Variants in TF observed in about 807,000 individuals in gnomAD.
The protein encoded by TF is transferrin, also known as serotransferrin.
In TF, 55 loss-of-function variants were observed where a neutral mutation model predicts 82.4. The observed-to-expected ratio is 0.67, with a 90% confidence interval of 0.54 to 0.84. The LOEUF is 0.84. TF is among the 40% of genes least tolerant of loss of function. The probability of loss-of-function intolerance (pLI) is 0.00; values close to 1 mark genes in which losing one functional copy is unlikely to be tolerated. For synonymous variants in TF, 332 were observed against 332.6 expected, an observed-to-expected ratio of 1.00 and a Z score of 0.02; for missense variants, 737 against 868.4, an observed-to-expected ratio of 0.85 and a Z score of 1.90.
At chr3:133,757,207 C>T (rs1391858280) in intron 7 of TF, among the ~76,000 whole-genome samples, 198 bp downstream of exon 7, 1 of 152,214 alleles carries the variant, frequency 6.6e-6, no homozygotes, top group Non-Finnish European at 1.5e-5. Context: ...TACCGTCTGC[C>T]GCCCTTGCCT....
chr3:133,778,347 G>A (rs896786187), intron 16 of TF: 2 of 423,980 alleles, frequency 4.7e-6, no homozygotes, highest in South Asian at 4.2e-5. Flanking sequence ...AAACAAGGTG[G>A]AGGACCCTGT....
the TF span, among the ~76,000 whole-genome samples, chr3:133,669,714 A>G: frequency 6.6e-6 from 1 of 152,228 alleles, no homozygotes; most frequent in Non-Finnish European, 1.5e-5. Flanking sequence ...GAATGGAGCT[A>G]TGAAAGTGAA....
chr3:133,662,129 T>G, the TF span: 2 of 152,110 alleles, frequency 1.3e-5, no homozygotes, highest in Non-Finnish European at 2.9e-5. Flanking sequence ...CCGCTGCGAG[T>G]AGGCCCAGCG....
chr3:133,777,503 G>T (rs2107936238), intron 16 of TF: 1 of 474,424 alleles, frequency 2.1e-6, no homozygotes. Context: ...AAAAGGACTG[G>T]GTTTATGTGT....
the TF span, among the ~76,000 whole-genome samples, chr3:133,732,936 C>A: frequency 6.6e-6 from 1 of 152,156 alleles, no homozygotes; most frequent in Non-Finnish European, 1.5e-5. Context: ...ACGACCAAGC[C>A]ACTGTAGCTT....
chr3:133,709,843 C>T, the TF span, among the ~76,000 whole-genome samples: 2 of 152,342 alleles, frequency 1.3e-5, no homozygotes, highest in Non-Finnish European at 2.9e-5. Flanking sequence ...TCCTCCTTCT[C>T]ATCCTTTTGC....
the TF span, among the ~76,000 whole-genome samples, chr3:133,720,389 G>A: frequency 1.3e-4 from 20 of 152,194 alleles, no homozygotes; most frequent in African/African-American, 2.6e-4. Context: ...TTAATGTGGT[G>A]TATCCCATTT....
the TF span, among the ~76,000 whole-genome samples, chr3:133,728,362 CT>C: frequency 6.6e-6 from 1 of 152,140 alleles, no homozygotes; most frequent in Admixed American, 6.5e-5. Context: ...TCTTTTTATT[CT>C]TTTTTCTCTA....
chr3:133,666,696 A>T, the TF span, among the ~76,000 whole-genome samples: 33 of 152,236 alleles, frequency 2.2e-4, 1 homozygote, highest in African/African-American at 6.0e-4. Flanking sequence ...GCAAAAGACA[A>T]GCTCAGGGAA....
At chr3:133,776,143 G>A (rs1482389489) in intron 15 of TF, among the ~76,000 whole-genome samples, 1 of 152,122 alleles carries the variant, frequency 6.6e-6, no homozygotes, top group Non-Finnish European at 1.5e-5. Context: ...CCCTACTCCT[G>A]TCCTTCCCGA....
At chr3:133,719,968 CTAAA>C in the TF span, among the ~76,000 whole-genome samples, 1 of 152,098 alleles carries the variant, frequency 6.6e-6, no homozygotes, top group African/African-American at 2.4e-5. Flanking sequence ...TGCAACTTTA[CTAAA>C]TAGTTTATTA....
chr3:133,723,971 C>G, the TF span, among the ~76,000 whole-genome samples: 1 of 152,122 alleles, frequency 6.6e-6, no homozygotes. Flanking sequence ...CATGTCCCTA[C>G]AAAGGACATG....
In TF at chr3:133,789,999, A is replaced by C. The variant is rs1934792997; in HGVS notation, c.*11379A>C. On this transcript the variant is annotated 3_prime_UTR_variant, in exon 17 of 17. Coordinates refer to ENST00000402696, the MANE Select transcript of TF (RefSeq NM_001063.4). Reference sequence around the variant, plus strand: ...AACTTTGAGGCTCTTACTTAGGTTTAAGTGCACACCTGGCTATTCAAAATG... The same window carrying C: ...AACTTTGAGGCTCTTACTTAGGTTTCAGTGCACACCTGGCTATTCAAAATG... 6.8e-6 allele frequency: 1 copy of C among 146,728 alleles called. No individual in the cohort carries two copies. Among genetic ancestry groups the C allele is most frequent in the Non-Finnish European group, 1.5e-5 (1 of 67,540 alleles). The allele number at this position is 146,728 out of a possible 1,614,324, so 9.1% of individuals were successfully genotyped here. A position where few individuals can be genotyped will look rare whatever the true frequency, so the allele number is the denominator to read the frequency against.
the TF span, among the ~76,000 whole-genome samples, chr3:133,691,072 G>T: frequency 1.3e-5 from 2 of 152,120 alleles, no homozygotes; most frequent in African/African-American, 4.8e-5. Flanking sequence ...TGGAGGAAAA[G>T]GGAGGCATAC....
intron 9 of TF, 116 bp from the exon 10 acceptor site, chr3:133,764,066 T>C (rs1276222753): frequency 2.4e-6 from 2 of 847,888 alleles, no homozygotes; most frequent in Non-Finnish European, 4.1e-6. Flanking sequence ...TATCAGCATC[T>C]GCTATCTCCC....
intron 13 of TF, 121 bp downstream of exon 13, chr3:133,768,285 AT>A: frequency 7.3e-7 from 1 of 1,361,072 alleles, no homozygotes; most frequent in East Asian, 2.5e-5. Context: ...TTAAGAGAGT[AT>A]ATTTCACAAC....
In TF at chr3:133,779,548, C is replaced by G. The variant is rs183952863; in HGVS notation, c.*928C>G. The G allele has an allele frequency of 7.8e-4, 119 of 152,470 alleles. No homozygotes were observed. The highest frequency in any genetic ancestry group is 2.8e-3 in the African/African-American group (116 of 41,570). The allele number at this position is 152,470 out of a possible 1,614,324, so 9.4% of individuals were successfully genotyped here. ...TCTCTGCTTTGATTCCTACCTCTCT[C>G]TGTTCATTTGTAGTCTTCACTGTGG... On this transcript the variant is annotated 3_prime_UTR_variant, in exon 17 of 17. Coordinates refer to ENST00000402696, the MANE Select transcript of TF (RefSeq NM_001063.4).
At chr3:133,729,364 G>A in the TF span, among the ~76,000 whole-genome samples, 15 of 152,334 alleles carry the variant, frequency 9.8e-5, no homozygotes, top group East Asian at 3.9e-4. Flanking sequence ...GGGCAATGGC[G>A]GGCGCCCCTC....
intron 2 of TF, among the ~76,000 whole-genome samples, chr3:133,750,013 T>C (rs1046163439): frequency 6.6e-6 from 1 of 152,192 alleles, no homozygotes; most frequent in African/African-American, 2.4e-5. Flanking sequence ...CCGCAGAGAC[T>C]GCGAGACAGA....
Sources: allele counts gnomAD v4.1 joint callset (sites outside exome capture counted in the v4.1 genomes callset), GRCh38; gene constraint gnomAD v4.1.1; transcripts MANE v1.5; gene names NCBI Gene and HGNC (gene_info 2026-07-23, HGNC 2026-07-21).